The following TRHR variants were observed in gnomAD, a reference collection of about 807,000 sequenced individuals.
TRHR encodes the protein thyrotropin releasing hormone receptor, also known as thyrotropin-releasing hormone receptor.
In TRHR, 14 loss-of-function variants were observed where a neutral mutation model predicts 28.0. That is an observed-to-expected ratio of 0.50 (90% CI 0.33 to 0.78). The LOEUF (loss-of-function observed/expected upper bound fraction) is 0.78. Ranked by LOEUF, TRHR falls within the 30% of genes least tolerant of loss-of-function variation. The probability of loss-of-function intolerance (pLI) is 0.02; values close to 1 mark genes in which losing one functional copy is unlikely to be tolerated. For synonymous variants in TRHR, 176 were observed against 171.9 expected, an observed-to-expected ratio of 1.02 and a Z score of -0.18; for missense variants, 438 against 469.5, an observed-to-expected ratio of 0.93 and a Z score of 0.62.
intron 2 of TRHR, among the ~76,000 whole-genome samples, chr8:109,102,082 G>C (rs1811685604): frequency 5.3e-5 from 8 of 152,078 alleles, no homozygotes; most frequent in Admixed American, 5.2e-4. Flanking sequence ...TAAGGTGTTG[G>C]GGAAATAAAT....
chr8:109,104,180 T>G (rs1348132103), intron 2 of TRHR, among the ~76,000 whole-genome samples: 2 of 152,132 alleles, frequency 1.3e-5, no homozygotes, highest in African/African-American at 2.4e-5. Context: ...ATTCTACATA[T>G]TCAGTAATAT....
At chr8:109,105,508 A>G (rs909342077) in intron 2 of TRHR, among the ~76,000 whole-genome samples, 1 of 152,210 alleles carries the variant, frequency 6.6e-6, no homozygotes, top group Admixed American at 6.5e-5. Context: ...CAATGAACAA[A>G]TATGACAAAC....
At chr8:109,093,954 G>A (rs1423853282) in intron 2 of TRHR, among the ~76,000 whole-genome samples, 2 of 151,960 alleles carry the variant, frequency 1.3e-5, no homozygotes, top group Non-Finnish European at 2.9e-5. Flanking sequence ...TTCATGAGAG[G>A]CTACGTAAAA....
chr8:109,090,161 T>C (rs1811499383), intron 2 of TRHR, among the ~76,000 whole-genome samples: 1 of 152,236 alleles, frequency 6.6e-6, no homozygotes, highest in East Asian at 1.9e-4. Flanking sequence ...TTTTGTCATC[T>C]GTTAAATGAG....
At chr8:109,114,144 A>G (rs928140208) in intron 2 of TRHR, among the ~76,000 whole-genome samples, 1 of 152,102 alleles carries the variant, frequency 6.6e-6, no homozygotes, top group African/African-American at 2.4e-5. Context: ...TGAAAAACAT[A>G]TAGCAGAGTT....
intron 2 of TRHR, among the ~76,000 whole-genome samples, chr8:109,100,466 T>G (rs902658565): frequency 6.6e-6 from 1 of 152,048 alleles, no homozygotes; most frequent in African/African-American, 2.4e-5. Context: ...AAATAGTAAT[T>G]CTATTATTAC....
chr8:109,118,901 T>C (rs1252995166), intron 2 of TRHR, 147 bp from the exon 3 acceptor site: 1 of 1,009,744 alleles, frequency 9.9e-7, no homozygotes, highest in Non-Finnish European at 1.5e-6. Context: ...TCCTGCTTCC[T>C]GGGATCACCT....
At chr8:109,097,699 C>T (rs1357301071) in intron 2 of TRHR, among the ~76,000 whole-genome samples, 1 of 152,170 alleles carries the variant, frequency 6.6e-6, no homozygotes, top group East Asian at 1.9e-4. Context: ...AGAAGACCCT[C>T]CAGTCTGCAG....
At chr8:109,104,393 G>A (rs762324891) in intron 2 of TRHR, among the ~76,000 whole-genome samples, 7 of 152,048 alleles carry the variant, frequency 4.6e-5, no homozygotes, top group African/African-American at 1.4e-4. Context: ...AAATGTCTAC[G>A]TTCAGAAGTA....
intron 2 of TRHR, among the ~76,000 whole-genome samples, chr8:109,116,056 T>C (rs964782734): frequency 6.6e-6 from 1 of 152,204 alleles, no homozygotes; most frequent in African/African-American, 2.4e-5. Flanking sequence ...TCTATTGAGA[T>C]AATCATGTGG....
chr8:109,097,094 T>C (rs1356809950), intron 2 of TRHR, among the ~76,000 whole-genome samples: 1 of 152,182 alleles, frequency 6.6e-6, no homozygotes, highest in Non-Finnish European at 1.5e-5. Context: ...TTTGGAAACA[T>C]GGCAAACTCA....
chr8:109,087,687 C>A lies in TRHR; in HGVS notation c.175C>A (p.Pro59Thr). 1 of 1,614,020 alleles carries A rather than the reference C, an allele frequency of 6.2e-7. No homozygotes were observed. The highest frequency in any genetic ancestry group is 2.2e-5 in the East Asian group (1 of 44,856). The change falls in exon 2 of 3, where the codon CCC becomes ACC. Residue 59 changes from proline (P) to threonine (T), a missense_variant. Physicochemically the swap from Pro to Thr is conservative, Grantham distance 38 (BLOSUM62 -1). Coordinates refer to ENST00000518632, the MANE Select transcript of TRHR (RefSeq NM_003301.7). ...CATGAGAACCAAGCACATGAGGACC[C>A]CCACAAACTGCTACCTGGTGAGCCT... ...VVMRTKHMRT[P>T]TNCYLVSLAV... is the part of the protein sequence containing the mutation.
At chr8:109,105,876 G>A (rs543365989) in intron 2 of TRHR, among the ~76,000 whole-genome samples, 2 of 152,150 alleles carry the variant, frequency 1.3e-5, no homozygotes, top group South Asian at 4.1e-4. Context: ...GCCCACAAAG[G>A]CTAAAATATT....
rs1268736265 is a variant in TRHR, at chr8:109,119,034, C to G, written c.790-14C>G. The G allele has an allele frequency of 6.2e-7, 1 of 1,612,246 alleles. No individual in the cohort carries two copies. The highest frequency in any genetic ancestry group is 1.3e-5 in the African/African-American group (1 of 74,722). On this transcript the variant is annotated splice_polypyrimidine_tract_variant and intron_variant, in intron 2 of 2. Coordinates refer to ENST00000518632, the MANE Select transcript of TRHR (RefSeq NM_003301.7). ...ATTTGTGTTTGTACAGCATTTCTCT[C>G]TATTTCTCCCTAGGTCACCAAGATG...
chr8:109,105,181 G>A (rs1811731141), intron 2 of TRHR, among the ~76,000 whole-genome samples: 1 of 152,100 alleles, frequency 6.6e-6, no homozygotes, highest in Non-Finnish European at 1.5e-5. Context: ...GATTTTTAAA[G>A]ATGAGTGCTA....
At chr8:109,117,487 T>C (rs1811938242) in intron 2 of TRHR, among the ~76,000 whole-genome samples, 1 of 151,894 alleles carries the variant, frequency 6.6e-6, no homozygotes, top group African/African-American at 2.4e-5. Flanking sequence ...ATAGATCTAA[T>C]TGTAAATTAA....
intron 2 of TRHR, among the ~76,000 whole-genome samples, chr8:109,097,223 G>A (rs1811607196): frequency 6.6e-6 from 1 of 152,116 alleles, no homozygotes; most frequent in African/African-American, 2.4e-5. Context: ...TGACCACCCA[G>A]GGAAGGGAAA....
At chr8:109,107,909 C>G (rs1253594443) in intron 2 of TRHR, among the ~76,000 whole-genome samples, 1 of 151,986 alleles carries the variant, frequency 6.6e-6, no homozygotes, top group East Asian at 1.9e-4. Flanking sequence ...AACTTAAAAC[C>G]AAGGTTTCTG....
intron 2 of TRHR, among the ~76,000 whole-genome samples, chr8:109,105,432 CA>C (rs1193740488): frequency 6.6e-6 from 1 of 152,116 alleles, no homozygotes; most frequent in Non-Finnish European, 1.5e-5. Flanking sequence ...ATTCGTTCCA[CA>C]AAAATATGTT....
Sources: gnomAD v4.1 joint callset for allele counts (sites outside exome capture counted in the v4.1 genomes callset) on GRCh38, gnomAD v4.1.1 for gene constraint, MANE v1.5 for transcripts, NCBI Gene and HGNC (gene_info 2026-07-23, HGNC 2026-07-21) for gene names.